FGF23: variants seen among roughly 807,000 people sequenced by gnomAD.
FGF23 encodes phosphatonin.
Under a neutral mutation model 9.0 loss-of-function variants are expected in FGF23, and 8 were observed. The observed-to-expected ratio is 0.89, with a 90% CI of 0.52 to 1.60. The LOEUF is 1.60. FGF23 is among the 40% of genes most tolerant of loss of function. FGF23 has a pLI of 0.00. For synonymous variants in FGF23, 118 were observed against 146.2 expected, an observed-to-expected ratio of 0.81 and a Z score of 1.39; for missense variants, 311 against 344.3, an observed-to-expected ratio of 0.90 and a Z score of 0.77.
intron 1 of FGF23, among the ~76,000 whole-genome samples, chr12:4,375,981 A>G (rs776177233): frequency 1.4e-4 from 22 of 152,256 alleles, no homozygotes; most frequent in Non-Finnish European, 2.8e-4. Flanking sequence ...CCTCAAAAGA[A>G]AAACGTATGA....
Position 4,370,836 on chromosome 12 carries a change from C to T in FGF23, c.316-53G>A, listed in dbSNP as rs547181678. On this transcript the variant is annotated intron_variant, in intron 2 of 2. Transcript: ENST00000237837. ...AGGCTGGCAGTGGGGGCCCCACCCA[C>T]TCCCCAGCTCCTCCTGGGGCCACAT... The T allele has an allele frequency of 8.2e-6, 12 of 1,459,698 alleles. No homozygotes were observed. In the South Asian group the frequency reaches 1.0e-4, roughly 12 times the overall value. The allele number at this position is 1,459,698 out of a possible 1,614,324, so 90.4% of individuals were successfully genotyped here. A position where few individuals can be genotyped will look rare whatever the true frequency, so the allele number is the denominator to read the frequency against.
rs182411536 is a variant in FGF23, at chr12:4,374,838, C to G, written c.212-2141G>C. 3.3e-5 allele frequency among the ~76,000 whole-genome samples: 5 copies of G among 152,160 alleles called. No individual in the cohort carries two copies. The East Asian group carries it at 7.7e-4, about 24-fold the overall frequency. The stretch of plus-strand genomic sequence containing the variant: ...TTAGTAGTAGTAGTAGCAGCAATAT[C>G]CTAATTTAAGTGATAAGGAAACTAA... On this transcript the variant is annotated intron_variant, in intron 1 of 2. Coordinates refer to ENST00000237837, the MANE Select transcript of FGF23 (RefSeq NM_020638.3).
chr12:4,379,531 T>C lies in FGF23; in HGVS notation c.52A>G (p.Ser18Gly). ...GGATAGGCTCTGAGGACGCTCATGC[T>C]GCAGACGCTGCACAAGGCACAGACC... ...LWVCALCSVCSMSVLRAYPNA... is the reference protein window; with the variant it reads ...LWVCALCSVCGMSVLRAYPNA... The change falls in exon 1 of 3, where the codon AGC becomes GGC. Residue 18 changes from serine (S) to glycine (G), a missense_variant. By Grantham distance (56) the Ser-to-Gly change is moderately conservative (BLOSUM62 0). Around this residue, in one of 3 missense-constraint regions of FGF23, gnomAD observed 102 missense variants for 108.2 expected, o/e 0.94. Coordinates refer to ENST00000237837, the MANE Select transcript of FGF23 (RefSeq NM_020638.3). The C allele has an allele frequency of 1.9e-6, 3 of 1,612,164 alleles. No individual in the cohort carries two copies. The highest frequency in any genetic ancestry group is 2.5e-6 in the Non-Finnish European group (3 of 1,179,974).
rs1460753522 is a variant in FGF23, at chr12:4,368,728, G to A, written c.*1615C>T. The A allele has an allele frequency of 9.9e-6, 2 of 202,454 alleles. No homozygotes were observed. Among genetic ancestry groups the A allele is most frequent in the Non-Finnish European group, 2.0e-5 (2 of 98,678 alleles). The allele number at this position is 202,454 out of a possible 1,614,324, so 12.5% of individuals were successfully genotyped here. A position where few individuals can be genotyped will look rare whatever the true frequency, so the allele number is the denominator to read the frequency against. ...AGGAGCCTCCAATAGCTATTATGCA[G>A]GATAATATTTCCAACAGGAAATGAA... On this transcript the variant is annotated 3_prime_UTR_variant, in exon 3 of 3. Coordinates refer to ENST00000237837, the MANE Select transcript of FGF23 (RefSeq NM_020638.3).
Position 4,379,599 on chromosome 12 carries a change from T to A in FGF23, c.-17A>T. ...CCCCAACATCGTGCCCTGCTCTGAG[T>A]GGCTGGTGCTGAGATTGAAACCTGA... On this transcript the variant is annotated 5_prime_UTR_variant, in exon 1 of 3. Transcript: ENST00000237837. 1 of 1,572,326 alleles carries A rather than the reference T, an allele frequency of 6.4e-7. No homozygotes were observed. The highest frequency in any genetic ancestry group is 8.6e-7 in the Non-Finnish European group (1 of 1,162,098).
intron 1 of FGF23, among the ~76,000 whole-genome samples, chr12:4,377,597 A>AT (rs369990860): frequency 0.05 from 7,076 of 141,710 alleles, 425 homozygotes; most frequent in East Asian, 0.26. Flanking sequence ...CGCCTGGCTA[A>AT]TTTTTTGTAT....
At position 4,370,002 on chromosome 12, in the gene FGF23, T is replaced by A. The variant is rs892401342; in HGVS notation, c.*341A>T. ...TTTTTTTTTTTTTTTTTTTTTTTTTTATGCTTAAAAGTGATAAAGAGGAGA... is the reference window on the plus strand; with the variant it reads ...TTTTTTTTTTTTTTTTTTTTTTTTTAATGCTTAAAAGTGATAAAGAGGAGA... On this transcript the variant is annotated 3_prime_UTR_variant, in exon 3 of 3. Coordinates refer to ENST00000237837, the MANE Select transcript of FGF23 (RefSeq NM_020638.3). 27 of 84,742 alleles carry A rather than the reference T, an allele frequency of 3.2e-4. No individual in the cohort carries two copies. The highest frequency in any genetic ancestry group is 4.5e-3 in the Middle Eastern group (1 of 222). The allele number at this position is 84,742 out of a possible 1,614,324, so 5.2% of individuals were successfully genotyped here.
At chr12:4,372,207 G>A (rs1475317520) in intron 2 of FGF23, among the ~76,000 whole-genome samples, 6 of 149,306 alleles carry the variant, frequency 4.0e-5, no homozygotes, top group African/African-American at 1.5e-4. Flanking sequence ...GGATAGCATT[G>A]GGAGATATAC....
At chr12:4,372,010 G>A (rs572863061) in intron 2 of FGF23, among the ~76,000 whole-genome samples, 1 of 151,828 alleles carries the variant, frequency 6.6e-6, no homozygotes, top group South Asian at 2.1e-4. Context: ...AAAATGATGA[G>A]TTCATGTCCT....
At chr12:4,377,540 C>G (rs1865131358) in intron 1 of FGF23, among the ~76,000 whole-genome samples, 1 of 138,310 alleles carries the variant, frequency 7.2e-6, no homozygotes, top group African/African-American at 2.6e-5. Context: ...ACGCCATTCT[C>G]CTGCCTCAGC....
At chr12:4,372,322 A>G (rs950063353) in intron 2 of FGF23, among the ~76,000 whole-genome samples, 1 of 142,864 alleles carries the variant, frequency 7.0e-6, no homozygotes, top group Non-Finnish European at 1.6e-5. Context: ...AACTTAAAGT[A>G]TAATAATAAA....
chr12:4,373,185 C>T (rs1385593590), intron 1 of FGF23, among the ~76,000 whole-genome samples: 1 of 152,198 alleles, frequency 6.6e-6, no homozygotes, highest in Non-Finnish European at 1.5e-5. Context: ...TCAGTCAACA[C>T]CCAGTATGTG....
At chr12:4,375,348 TAGAAAACATCCGGCGGTGGTTG>T (rs1865106315) in intron 1 of FGF23, among the ~76,000 whole-genome samples, 1 of 152,118 alleles carries the variant, frequency 6.6e-6, no homozygotes, top group Non-Finnish European at 1.5e-5. Context: ...CCAGTCCCCC[TAGAAAACATCCGGCGGTGGTTG>T]AGGAACTGTG....
In FGF23 at chr12:4,370,264, G is replaced by C; in HGVS notation, c.*79C>G. The C allele has an allele frequency of 1.4e-6, 2 of 1,398,928 alleles. No homozygotes were observed. Among genetic ancestry groups the C allele is most frequent in the Non-Finnish European group, 2.0e-6 (2 of 995,722 alleles). 86.7% of individuals were successfully genotyped at this position (1,398,928 alleles called of 1,614,324 possible). ...TGCCCCTGTCACCTTTCCCATCCTCGGAACGTCAAGGGACCTGGTCCTTGG... is the reference window on the plus strand; with the variant it reads ...TGCCCCTGTCACCTTTCCCATCCTCCGAACGTCAAGGGACCTGGTCCTTGG... On this transcript the variant is annotated 3_prime_UTR_variant, in exon 3 of 3. Transcript: ENST00000237837.
chr12:4,370,978 G>C (rs13312791), intron 2 of FGF23, among the ~76,000 whole-genome samples, 195 bp from the exon 3 acceptor site: 1 of 152,166 alleles, frequency 6.6e-6, no homozygotes. Flanking sequence ...TATATAGTTC[G>C]CCCTTTCAGA....
Position 4,369,489 on chromosome 12 carries a change from G to A in FGF23, c.*854C>T, listed in dbSNP as rs1007535046. 24 of 229,142 alleles carry A rather than the reference G, an allele frequency of 1.0e-4. No homozygotes were observed. The highest frequency in any genetic ancestry group is 5.3e-4 in the African/African-American group (24 of 45,112). 14.2% of individuals were successfully genotyped at this position (229,142 alleles called of 1,614,324 possible). ...AAATTCTAGCAGGGCAGATTTTCGT[G>A]AGCCAGTGTAAAAGCTATTTATTCC... On this transcript the variant is annotated 3_prime_UTR_variant, in exon 3 of 3. Transcript: ENST00000237837.
At chr12:4,371,925 C>A (rs1053036014) in intron 2 of FGF23, among the ~76,000 whole-genome samples, 8 of 151,750 alleles carry the variant, frequency 5.3e-5, no homozygotes, top group African/African-American at 1.7e-4. Context: ...GTTCCACAAC[C>A]CAAATGTCCA....
At chr12:4,372,853 C>T (rs996881129) in intron 1 of FGF23, among the ~76,000 whole-genome samples, 156 bp from the exon 2 acceptor site, 2 of 152,162 alleles carry the variant, frequency 1.3e-5, no homozygotes, top group Non-Finnish European at 2.9e-5. Context: ...TCTGCATATT[C>T]AGCGTTTCTT....
chr12:4,373,626 A>T (rs1267483256), intron 1 of FGF23, among the ~76,000 whole-genome samples: 1 of 152,224 alleles, frequency 6.6e-6, no homozygotes, highest in Non-Finnish European at 1.5e-5. Context: ...CCTGAAACCC[A>T]TTCACACGAC....
Sources: gnomAD v4.1 joint callset for allele counts (sites outside exome capture counted in the v4.1 genomes callset) on GRCh38, gnomAD v4.1.1 for gene constraint, gnomAD v4.1.1 regional missense constraint, MANE v1.5 for transcripts, NCBI Gene and HGNC (gene_info 2026-07-23, HGNC 2026-07-21) for gene names.